Variants in ZYG11B observed in about 807,000 individuals in gnomAD.
The protein encoded by ZYG11B is zyg-11 family member B, cell cycle regulator.
A neutral mutation model predicts 82.4 loss-of-function variants in ZYG11B; 36 were observed. The ratio of observed to expected loss-of-function variants is 0.44; its 90% CI spans 0.33 to 0.58. The LOEUF (loss-of-function observed/expected upper bound fraction) is 0.58. ZYG11B is among the 20% of genes least tolerant of loss of function. The probability of loss-of-function intolerance (pLI) is 0.02; values close to 1 mark genes in which losing one functional copy is unlikely to be tolerated. For synonymous variants in ZYG11B, 303 were observed against 312.8 expected (o/e 0.97, Z 0.33); for missense variants, 552 against 895.6 (o/e 0.62, Z 4.90).
At chr1:52,728,006 C>T (rs1004152738) in intron 1 of ZYG11B, among the ~76,000 whole-genome samples, 1 of 152,148 alleles carries the variant, frequency 6.6e-6, no homozygotes, top group African/African-American at 2.4e-5. Flanking sequence ...TTTTCCCTAA[C>T]TCACTCCTGC....
chr1:52,745,598 T>A (rs890254864), intron 1 of ZYG11B, among the ~76,000 whole-genome samples: 1 of 152,172 alleles, frequency 6.6e-6, no homozygotes, highest in Non-Finnish European at 1.5e-5. Flanking sequence ...GGAGTCTCAC[T>A]CTGTTGCCCA....
chr1:52,767,013 A>C, intron 2 of ZYG11B, among the ~76,000 whole-genome samples: 1 of 151,188 alleles, frequency 6.6e-6, no homozygotes, highest in Admixed American at 6.6e-5. Flanking sequence ...TCTCAAAAAA[A>C]AAAAAATTAT....
At chr1:52,797,427 T>TCA (rs1558137821) in intron 8 of ZYG11B, among the ~76,000 whole-genome samples, 1 of 95,980 alleles carries the variant, frequency 1.0e-5, no homozygotes, top group African/African-American at 6.3e-5. Flanking sequence ...ATTATACATA[T>TCA]TATATATAAC....
intron 13 of ZYG11B, among the ~76,000 whole-genome samples, chr1:52,820,920 G>C (rs946813769): frequency 2.6e-5 from 4 of 151,618 alleles, no homozygotes; most frequent in African/African-American, 9.7e-5. Flanking sequence ...AGGCAACATG[G>C]TAAAACCCCA....
At chr1:52,768,440 C>T (rs2149936647) in intron 2 of ZYG11B, among the ~76,000 whole-genome samples, 1 of 152,248 alleles carries the variant, frequency 6.6e-6, no homozygotes, top group Middle Eastern at 3.4e-3. Context: ...CTTATATCCC[C>T]AGAAATGCAC....
chr1:52,782,093 TCTCA>T (rs1354427437), intron 4 of ZYG11B, among the ~76,000 whole-genome samples: 1 of 152,086 alleles, frequency 6.6e-6, no homozygotes, highest in African/African-American at 2.4e-5. Flanking sequence ...TGAGGTAGCA[TCTCA>T]CTCTGTCACC....
chr1:52,740,096 C>T (rs935231996), intron 1 of ZYG11B, among the ~76,000 whole-genome samples: 2 of 152,172 alleles, frequency 1.3e-5, no homozygotes, highest in Non-Finnish European at 2.9e-5. Context: ...CCATTATTAA[C>T]CCCACTTCTC....
chr1:52,754,824 A>T (rs1372383466), intron 1 of ZYG11B, among the ~76,000 whole-genome samples: 1 of 152,198 alleles, frequency 6.6e-6, no homozygotes, highest in African/African-American at 2.4e-5. Flanking sequence ...TAAGAGAAAC[A>T]ATCTTAGCTC....
intron 6 of ZYG11B, among the ~76,000 whole-genome samples, chr1:52,792,921 A>G (rs1470958058): frequency 6.6e-6 from 1 of 151,946 alleles, no homozygotes; most frequent in Non-Finnish European, 1.5e-5. Flanking sequence ...GCTCACTGCA[A>G]CCTCTGCTTC....
intron 1 of ZYG11B, among the ~76,000 whole-genome samples, chr1:52,736,177 A>G (rs1644377179): frequency 1.3e-5 from 2 of 152,216 alleles, no homozygotes; most frequent in Admixed American, 1.3e-4. Context: ...ACAGCCATTC[A>G]TATAGACAGC....
rs370112129 is a variant in ZYG11B at position 52,771,090 on chromosome 1, C to T, written c.267C>T (p.Arg89=). 6.2e-7 allele frequency: 1 copy of T among 1,614,192 alleles called. No individual in the cohort carries two copies. Among genetic ancestry groups the T allele is most frequent in the African/African-American group, 1.3e-5 (1 of 75,054 alleles). ...TGCGCTTAAAGCGAGCCTGCATTCG[C>T]AAAGCAAAGATCTCTGCTGTTGCTT... The part of the protein sequence containing the change: ...NQMRLKRACI[R]KAKISAVAFR... The change falls in exon 3 of 14, where the codon CGC becomes CGT. Residue 89 remains arginine, a synonymous_variant. Coordinates refer to ENST00000294353, the MANE Select transcript of ZYG11B (RefSeq NM_024646.3). This position sits in a 1 kb window ranked among gnomAD's most constrained non-coding sequence, Gnocchi z 5.4.
intron 13 of ZYG11B, among the ~76,000 whole-genome samples, chr1:52,816,994 G>T (rs958601086): frequency 9.9e-5 from 15 of 151,712 alleles, no homozygotes; most frequent in Non-Finnish European, 2.1e-4. Flanking sequence ...TAGAGACGGG[G>T]TTTCACCATG....
intron 1 of ZYG11B, among the ~76,000 whole-genome samples, chr1:52,749,008 C>T (rs35090297): frequency 0.027 from 4,109 of 151,848 alleles, 78 homozygotes; most frequent in Non-Finnish European, 0.039. Flanking sequence ...CAAGACCAGT[C>T]TGGCTAACAT....
At chr1:52,803,756 C>T (rs189546914) in intron 10 of ZYG11B, among the ~76,000 whole-genome samples, 28 of 152,210 alleles carry the variant, frequency 1.8e-4, no homozygotes, top group Admixed American at 5.9e-4. Flanking sequence ...CATGTGCCAC[C>T]ATGCCCAGCT....
At chr1:52,770,300 A>G (rs1644738823) in intron 2 of ZYG11B, among the ~76,000 whole-genome samples, 1 of 151,908 alleles carries the variant, frequency 6.6e-6, no homozygotes, top group Non-Finnish European at 1.5e-5. Context: ...TATGTTTCCC[A>G]GGCCTAGATC....
rs35043109 is a variant in ZYG11B, at chr1:52,774,609, A to ATTTTTTTTTTTTTTTT, written c.951+2846_951+2861dup. 2.7e-5 allele frequency among the ~76,000 whole-genome samples: 3 copies of ATTTTTTTTTTTTTTTT among 111,144 alleles called. 1 individual carries two copies. The highest frequency in any genetic ancestry group is 4.9e-5 in the African/African-American group (1 of 20,572). The allele number at this position is 111,144 out of a possible 152,430, so 72.9% of individuals were successfully genotyped here. ...GGCGTGAGCCACTGTGCCTGGCCTA[A>ATTTTTTTTTTTTTTTT]TTTTTTTTTTTTTTTTTTTTTTTTT... On this transcript the variant is annotated intron_variant, in intron 3 of 13. Coordinates refer to ENST00000294353, the MANE Select transcript of ZYG11B (RefSeq NM_024646.3).
chr1:52,735,351 T>C (rs1644370674), intron 1 of ZYG11B, among the ~76,000 whole-genome samples: 1 of 152,210 alleles, frequency 6.6e-6, no homozygotes, highest in Non-Finnish European at 1.5e-5. Context: ...CTAAAGCACT[T>C]TGAAGAACAA....
chr1:52,779,829 A>C (rs571236026), intron 3 of ZYG11B, 24 bp from the exon 4 acceptor site: 93 of 1,610,130 alleles, frequency 5.8e-5, no homozygotes, highest in Non-Finnish European at 7.5e-5. Flanking sequence ...AGAATTCTAA[A>C]AGCTAATCTG....
intron 2 of ZYG11B, among the ~76,000 whole-genome samples, chr1:52,760,895 T>C (rs1421566478): frequency 6.6e-6 from 1 of 151,510 alleles, no homozygotes; most frequent in Non-Finnish European, 1.5e-5. Context: ...CCCAAGTAGC[T>C]GGGACTACAG....
Sources: gnomAD v4.1 joint callset for allele counts (sites outside exome capture counted in the v4.1 genomes callset) on GRCh38, gnomAD v4.1.1 for gene constraint, Gnocchi (gnomAD v3.1) non-coding constraint, MANE v1.5 for transcripts, NCBI Gene and HGNC (gene_info 2026-07-23, HGNC 2026-07-21) for gene names.